FGF14: variants seen among roughly 807,000 people sequenced by gnomAD.
The protein encoded by FGF14 is fibroblast growth factor 14.
Under a neutral mutation model 25.5 loss-of-function variants are expected in FGF14, and 5 were observed. The observed-to-expected ratio is 0.20, with a 90% CI of 0.10 to 0.41. FGF14 has a LOEUF of 0.41. FGF14 is among the 10% of genes least tolerant of loss of function. FGF14 has a pLI of 1.00. For missense variants in FGF14, 222 were observed against 320.1 expected (o/e 0.69, Z 2.34); for synonymous variants, 138 against 118.3 (o/e 1.17, Z -1.08).
At chr13:102,302,635 G>T (rs1314542296) in intron 1 of FGF14, among the ~76,000 whole-genome samples, 5 of 152,054 alleles carry the variant, frequency 3.3e-5, no homozygotes, top group Non-Finnish European at 7.4e-5. Context: ...CCAGACATTT[G>T]CTCCCAACTG....
At chr13:101,981,442 G>C (rs537419651) in intron 1 of FGF14, among the ~76,000 whole-genome samples, 1 of 152,268 alleles carries the variant, frequency 6.6e-6, no homozygotes, top group South Asian at 2.1e-4. Context: ...AGGGCAGTGA[G>C]AAATAAATTG....
chr13:102,131,750 T>C (rs1174597126), intron 1 of FGF14, among the ~76,000 whole-genome samples: 1 of 152,216 alleles, frequency 6.6e-6, no homozygotes, highest in African/African-American at 2.4e-5. Flanking sequence ...CTAGGCTTTA[T>C]TTGACTGCAT....
chr13:101,993,180 A>C (rs1465901467), intron 1 of FGF14, among the ~76,000 whole-genome samples: 1 of 139,190 alleles, frequency 7.2e-6, no homozygotes, highest in East Asian at 2.6e-4. Context: ...TAAAATATTT[A>C]AAGCATTGAT....
chr13:101,803,769 G>C (rs1202003082), intron 3 of FGF14, among the ~76,000 whole-genome samples: 1 of 152,114 alleles, frequency 6.6e-6, no homozygotes, highest in Non-Finnish European at 1.5e-5. Context: ...CATTTATTGA[G>C]CCAGCAAACA....
chr13:102,088,713 T>C (rs1432259057), intron 1 of FGF14, among the ~76,000 whole-genome samples: 3 of 152,132 alleles, frequency 2.0e-5, no homozygotes, highest in Non-Finnish European at 4.4e-5. Context: ...CATATATATC[T>C]AATCTAATAA....
rs926307953 is a variant in FGF14 at position 101,717,522 on chromosome 13, A to C, written c.*5309T>G. 4 of 152,180 alleles carry C rather than the reference A, an allele frequency of 2.6e-5. No homozygotes were observed. Among genetic ancestry groups the C allele is most frequent in the Non-Finnish European group, 5.9e-5 (4 of 68,018 alleles). 9.4% of individuals were successfully genotyped at this position (152,180 alleles called of 1,614,324 possible). The stretch of plus-strand genomic sequence containing the variant: ...AGCAATTTTGATGACGTATTCGCTG[A>C]TGCACAGACATTGGAATTCATTACA... On this transcript the variant is annotated 3_prime_UTR_variant, in exon 5 of 5. Coordinates refer to ENST00000376143, the MANE Select transcript of FGF14 (RefSeq NM_004115.4).
chr13:101,761,448 G>T (rs773034391), intron 3 of FGF14, among the ~76,000 whole-genome samples: 10 of 152,176 alleles, frequency 6.6e-5, no homozygotes, highest in Non-Finnish European at 8.8e-5. Flanking sequence ...TCAGGGGAAA[G>T]TTCAAAACTT....
chr13:101,837,098 A>G (rs1260791909), intron 3 of FGF14, among the ~76,000 whole-genome samples: 1 of 152,046 alleles, frequency 6.6e-6, no homozygotes, highest in Non-Finnish European at 1.5e-5. Context: ...TTCATTATCT[A>G]ATGAAACACT....
At chr13:101,753,280 CACAG>C (rs1202574247) in intron 3 of FGF14, among the ~76,000 whole-genome samples, 3 of 122,054 alleles carry the variant, frequency 2.5e-5, no homozygotes, top group African/African-American at 9.4e-5. Context: ...TACACACACA[CACAG>C]ACACACACAG....
At chr13:102,313,428 G>A (rs1365421955) in intron 1 of FGF14, among the ~76,000 whole-genome samples, 1 of 152,174 alleles carries the variant, frequency 6.6e-6, no homozygotes, top group African/African-American at 2.4e-5. Flanking sequence ...AGCCAGGGAA[G>A]GGCACTCTCG....
chr13:102,178,729 T>C (rs1399877882), intron 1 of FGF14, among the ~76,000 whole-genome samples: 1 of 152,164 alleles, frequency 6.6e-6, no homozygotes, highest in Non-Finnish European at 1.5e-5. Context: ...TTCATTCTTT[T>C]TTGTGGCTGA....
intron 1 of FGF14, among the ~76,000 whole-genome samples, chr13:102,198,291 A>G (rs764150567): frequency 5.3e-5 from 8 of 152,224 alleles, no homozygotes; most frequent in Non-Finnish European, 1.0e-4. Flanking sequence ...CCAACTGGAA[A>G]ACGAAGTTAG....
At chr13:101,989,997 G>A (rs1039686936) in intron 1 of FGF14, among the ~76,000 whole-genome samples, 10 of 152,114 alleles carry the variant, frequency 6.6e-5, no homozygotes, top group Admixed American at 4.6e-4. Context: ...CTGTCTCACC[G>A]TTTCTTCCAA....
intron 1 of FGF14, among the ~76,000 whole-genome samples, chr13:101,940,569 G>T (rs1174098751): frequency 6.6e-6 from 1 of 152,034 alleles, no homozygotes; most frequent in African/African-American, 2.4e-5. Flanking sequence ...CTTTCATTCA[G>T]GTTTCTACTC....
intron 1 of FGF14, among the ~76,000 whole-genome samples, chr13:102,073,961 C>G (rs946850182): frequency 2.0e-5 from 3 of 152,202 alleles, no homozygotes; most frequent in African/African-American, 7.2e-5. Flanking sequence ...CTCCCTCTCT[C>G]TCTGCCCTTC....
At chr13:102,386,730 A>C (rs893465090) in intron 1 of FGF14, among the ~76,000 whole-genome samples, 3 of 152,224 alleles carry the variant, frequency 2.0e-5, no homozygotes, top group Non-Finnish European at 2.9e-5. Context: ...GCACATTTCC[A>C]TATGACACAG....
rs548345511 is a variant in FGF14, at chr13:102,119,916, C to T, written c.209-244620G>A. On this transcript the variant is annotated intron_variant, in intron 1 of 4. Coordinates refer to the FGF14 transcript ENST00000376131. ...ATGAGCCAGGATGGGGCTTGGGCATCAGTACTCTTAATAAACTCCCATGTG... is the reference window on the plus strand; with the variant it reads ...ATGAGCCAGGATGGGGCTTGGGCATTAGTACTCTTAATAAACTCCCATGTG... Among the ~76,000 whole-genome samples the T allele has an allele frequency of 3.9e-5, 6 of 152,284 alleles. No homozygotes were observed. The South Asian group carries it at 1.2e-3, about 32-fold the overall frequency.
chr13:101,990,058 C>A (rs550665003), intron 1 of FGF14, among the ~76,000 whole-genome samples: 48 of 152,198 alleles, frequency 3.2e-4, no homozygotes, highest in African/African-American at 1.1e-3. Context: ...ATCATATGAG[C>A]TGTGGTGCTC....
chr13:102,371,152 C>T (rs1387997785), intron 1 of FGF14, among the ~76,000 whole-genome samples: 2 of 152,126 alleles, frequency 1.3e-5, no homozygotes, highest in Non-Finnish European at 2.9e-5. Flanking sequence ...GACTTAAGGC[C>T]TCAGTCTTAT....
Sources: allele counts gnomAD v4.1 joint callset (sites outside exome capture counted in the v4.1 genomes callset), GRCh38; gene constraint gnomAD v4.1.1; transcripts MANE v1.5; gene names NCBI Gene and HGNC (gene_info 2026-07-23, HGNC 2026-07-21).